The following ADAMTSL1 variants were observed in gnomAD, a reference collection of about 807,000 sequenced individuals.
ADAMTSL1 encodes the protein ADAMTS-like protein 1.
Under a neutral mutation model 201.8 loss-of-function variants are expected in ADAMTSL1, and 126 were observed. The ratio of observed to expected loss-of-function variants is 0.62; its 90% CI spans 0.54 to 0.72. The LOEUF is 0.72. Among genes scored for constraint, ADAMTSL1 ranks in the 30% least tolerant of loss-of-function variants. The pLI is 0.00. For missense variants in ADAMTSL1, 2,679 were observed against 2,277.8 expected (o/e 1.18, Z -3.59); for synonymous variants, 1,121 against 903.4 (o/e 1.24, Z -4.32).
At chr9:18,200,399 G>T (rs1944756) in intron 2 of ADAMTSL1, among the ~76,000 whole-genome samples, 88,407 of 151,798 alleles carry the variant, frequency 0.58, 25,866 homozygotes, top group Admixed American at 0.64. Context: ...CTTTTCCATT[G>T]GAAATACCAA....
chr9:18,313,372 G>A (rs1296880805), intron 2 of ADAMTSL1, among the ~76,000 whole-genome samples: 2 of 152,122 alleles, frequency 1.3e-5, no homozygotes, highest in Non-Finnish European at 2.9e-5. Flanking sequence ...CACCCCAGGT[G>A]AGTTACATGA....
At chr9:18,612,707 T>A (rs776796517) in intron 4 of ADAMTSL1, among the ~76,000 whole-genome samples, 2 of 152,126 alleles carry the variant, frequency 1.3e-5, no homozygotes, top group Admixed American at 6.5e-5. Context: ...TTACACCACA[T>A]GCAAAAATTA....
At chr9:17,999,126 A>C (rs772194836) in intron 1 of ADAMTSL1, among the ~76,000 whole-genome samples, 1 of 152,108 alleles carries the variant, frequency 6.6e-6, no homozygotes, top group African/African-American at 2.4e-5. Flanking sequence ...AAGAGAAAAA[A>C]TTGATAAAAG....
intron 1 of ADAMTSL1, among the ~76,000 whole-genome samples, chr9:18,158,453 A>G (rs1827249249): frequency 6.6e-6 from 1 of 151,918 alleles, no homozygotes. Flanking sequence ...AAAGAGGCCC[A>G]TTGAGGGTGG....
chr9:18,382,295 C>G (rs547129232), intron 2 of ADAMTSL1, among the ~76,000 whole-genome samples: 2 of 152,296 alleles, frequency 1.3e-5, no homozygotes, highest in Non-Finnish European at 2.9e-5. Flanking sequence ...CTGTAGTGAA[C>G]TCTAGGAATG....
chr9:18,348,134 C>G (rs1323046509), intron 2 of ADAMTSL1, among the ~76,000 whole-genome samples: 1 of 152,178 alleles, frequency 6.6e-6, no homozygotes, highest in Non-Finnish European at 1.5e-5. Flanking sequence ...ACTTACTAAT[C>G]TTTTTAGCAG....
Position 18,068,887 on chromosome 9 carries a change from TG to T in ADAMTSL1, c.88-94972del, listed in dbSNP as rs372686572. ...TATAGTGCTATACAGCACTTTACTC[TG>T]GGACCTAGAAGAGGTTACCTAACTT... On this transcript the variant is annotated intron_variant, in intron 1 of 29. Transcript: ENST00000680146. Among the ~76,000 whole-genome samples, 556 of 152,320 alleles carry T rather than the reference TG, an allele frequency of 3.7e-3. 5 individuals are homozygous for T. The highest frequency in any genetic ancestry group is 0.013 in the African/African-American group (528 of 41,584).
intron 14 of ADAMTSL1, among the ~76,000 whole-genome samples, chr9:18,709,978 C>T (rs746705866): frequency 6.6e-5 from 10 of 152,168 alleles, no homozygotes; most frequent in Non-Finnish European, 1.5e-4. Flanking sequence ...TGTTCTCTGT[C>T]GGTTTACAGT....
At chr9:18,275,329 C>G (rs1018122725) in intron 2 of ADAMTSL1, among the ~76,000 whole-genome samples, 7 of 152,100 alleles carry the variant, frequency 4.6e-5, no homozygotes, top group African/African-American at 1.7e-4. Flanking sequence ...GTTTCATACC[C>G]ATTTATTTTA....
chr9:18,135,029 G>A (rs769176877), intron 1 of ADAMTSL1, among the ~76,000 whole-genome samples: 15 of 152,120 alleles, frequency 9.9e-5, no homozygotes, highest in Non-Finnish European at 1.9e-4. Flanking sequence ...AATCAATACT[G>A]CCATTGCCTT....
intron 2 of ADAMTSL1, among the ~76,000 whole-genome samples, chr9:18,172,129 G>C (rs1827924619): frequency 6.6e-6 from 1 of 151,294 alleles, no homozygotes; most frequent in Admixed American, 6.6e-5. Context: ...GGCTTGTCAG[G>C]GGGTGGGGGG....
intron 1 of ADAMTSL1, among the ~76,000 whole-genome samples, chr9:18,157,788 C>T (rs1171649869): frequency 6.6e-6 from 1 of 151,970 alleles, no homozygotes; most frequent in Non-Finnish European, 1.5e-5. Flanking sequence ...TTAGCCACCC[C>T]CACGATCTTC....
chr9:18,234,221 G>A (rs545113213), intron 2 of ADAMTSL1, among the ~76,000 whole-genome samples: 12 of 152,306 alleles, frequency 7.9e-5, no homozygotes, highest in African/African-American at 2.9e-4. Context: ...CCAGTTACTG[G>A]GCTGGGGAAG....
At chr9:18,568,789 T>C (rs1822104369) in intron 3 of ADAMTSL1, among the ~76,000 whole-genome samples, 1 of 151,850 alleles carries the variant, frequency 6.6e-6, no homozygotes, top group African/African-American at 2.4e-5. Context: ...TCCAAGGTTC[T>C]TGATACTATC....
chr9:18,650,824 TG>T lies in ADAMTSL1; in HGVS notation c.835-6814del, dbSNP rs563933774. Among the ~76,000 whole-genome samples, 12 of 152,312 alleles carry T rather than the reference TG, an allele frequency of 7.9e-5. No homozygotes were observed. The South Asian group carries it at 2.5e-3, about 32-fold the overall frequency. On this transcript the variant is annotated intron_variant, in intron 7 of 28. Transcript: ENST00000380548. ...GTTTAGTGTGGTAGAATAGATAATCTGCTGCTTACTGGGTGTGTGACCTTAA... is the reference window on the plus strand; with the variant it reads ...GTTTAGTGTGGTAGAATAGATAATCTCTGCTTACTGGGTGTGTGACCTTAA...
intron 5 of ADAMTSL1, among the ~76,000 whole-genome samples, chr9:18,627,091 C>A (rs1826436034): frequency 6.6e-6 from 1 of 151,956 alleles, no homozygotes; most frequent in Non-Finnish European, 1.5e-5. Flanking sequence ...GGTGATCCTC[C>A]CACTTCAGCC....
chr9:17,920,005 A>T (rs1218664009), intron 1 of ADAMTSL1, among the ~76,000 whole-genome samples: 1 of 152,140 alleles, frequency 6.6e-6, no homozygotes, highest in Non-Finnish European at 1.5e-5. Context: ...CCTTTTGATT[A>T]TAGCCATCCT....
At chr9:17,946,296 G>T (rs1827472282) in intron 1 of ADAMTSL1, among the ~76,000 whole-genome samples, 1 of 151,926 alleles carries the variant, frequency 6.6e-6, no homozygotes, top group Non-Finnish European at 1.5e-5. Flanking sequence ...ATCATGCCGA[G>T]CTGACCTTAA....
chr9:17,959,866 C>A (rs988221636), intron 1 of ADAMTSL1, among the ~76,000 whole-genome samples: 1 of 152,136 alleles, frequency 6.6e-6, no homozygotes, highest in African/African-American at 2.4e-5. Context: ...TCTGATTTAT[C>A]CATAAAATGG....
Sources: allele counts gnomAD v4.1 joint callset (sites outside exome capture counted in the v4.1 genomes callset), GRCh38; gene constraint gnomAD v4.1.1; transcripts MANE v1.5; gene names NCBI Gene and HGNC (gene_info 2026-07-23, HGNC 2026-07-21).